DLG2: variants seen among roughly 807,000 people sequenced by gnomAD.
DLG2 encodes the protein disks large homolog 2.
A neutral mutation model predicts 132.5 loss-of-function variants in DLG2; 45 were observed. The observed-to-expected ratio is 0.34, with a 90% CI of 0.27 to 0.44. The LOEUF (loss-of-function observed/expected upper bound fraction) is 0.44, where lower values mean the gene tolerates loss of function less well. Ranked by LOEUF, DLG2 falls within the 20% of genes least tolerant of loss-of-function variation. DLG2 has a pLI of 1.00. For missense variants in DLG2, 1,045 were observed against 1,196.9 expected (o/e 0.87, Z 1.87); for synonymous variants, 424 against 419.6 (o/e 1.01, Z -0.13).
chr11:84,934,205 C>T (rs1391860566), intron 6 of DLG2, among the ~76,000 whole-genome samples: 3 of 152,120 alleles, frequency 2.0e-5, no homozygotes, highest in Non-Finnish European at 4.4e-5. Context: ...ACCAACTTTG[C>T]ATCCCAGATA....
At chr11:85,241,305 T>C (rs765560863) in intron 4 of DLG2, among the ~76,000 whole-genome samples, 56 of 151,882 alleles carry the variant, frequency 3.7e-4, no homozygotes, top group Non-Finnish European at 6.6e-4. Context: ...TGGGAGGGAT[T>C]AATAGTAGAC....
At chr11:84,323,125 G>T (rs999811222) in intron 7 of DLG2, among the ~76,000 whole-genome samples, 3 of 151,888 alleles carry the variant, frequency 2.0e-5, no homozygotes, top group African/African-American at 7.3e-5. Flanking sequence ...TAAGCACAAG[G>T]TTGTAAAGCA....
intron 3 of DLG2, among the ~76,000 whole-genome samples, chr11:85,378,251 C>G (rs1260115279): frequency 6.6e-6 from 1 of 152,078 alleles, no homozygotes; most frequent in East Asian, 1.9e-4. Flanking sequence ...CTCTAGTTGA[C>G]AGGGACTGGC....
chr11:85,374,884 T>C (rs913228799), intron 3 of DLG2, among the ~76,000 whole-genome samples: 1 of 152,156 alleles, frequency 6.6e-6, no homozygotes, highest in Non-Finnish European at 1.5e-5. Flanking sequence ...AGAGACTATC[T>C]TTGTTCTTAG....
intron 6 of DLG2, among the ~76,000 whole-genome samples, chr11:84,742,470 C>T (rs1313730177): frequency 6.6e-6 from 1 of 152,184 alleles, no homozygotes; most frequent in Non-Finnish European, 1.5e-5. Flanking sequence ...AGAAACCTTA[C>T]AGGCGTTTTT....
At chr11:85,371,742 G>A (rs1488183361) in intron 3 of DLG2, among the ~76,000 whole-genome samples, 1 of 152,162 alleles carries the variant, frequency 6.6e-6, no homozygotes, top group East Asian at 1.9e-4. Flanking sequence ...CCTTTGGAGA[G>A]GATCACCCAA....
intron 18 of DLG2, chr11:83,725,082 C>T (rs1593158980): frequency 1.8e-6 from 1 of 557,740 alleles, no homozygotes; most frequent in Admixed American, 3.0e-5. Flanking sequence ...CTTTGCAACA[C>T]AAACAAGCCA....
intron 6 of DLG2, among the ~76,000 whole-genome samples, chr11:84,994,063 T>C (rs962182531): frequency 6.6e-6 from 1 of 152,276 alleles, no homozygotes; most frequent in Admixed American, 6.5e-5. Context: ...AAAAAAATAA[T>C]TTAAAAAAGT....
intron 8 of DLG2, among the ~76,000 whole-genome samples, chr11:84,172,518 CTTAT>C (rs71066098): frequency 0.051 from 6,810 of 134,450 alleles, 462 homozygotes; most frequent in African/African-American, 0.16. Context: ...TTTTTCCATT[CTTAT>C]TTATTTATTT....
intron 8 of DLG2, among the ~76,000 whole-genome samples, chr11:84,195,481 C>T (rs1472732828): frequency 4.6e-5 from 7 of 151,942 alleles, no homozygotes; most frequent in South Asian, 4.1e-4. Context: ...TACTCTTCTC[C>T]GCCTACCCAA....
At chr11:83,734,358 TCC>T (rs2091539838) in intron 18 of DLG2, among the ~76,000 whole-genome samples, 2 of 110,992 alleles carry the variant, frequency 1.8e-5, no homozygotes, top group Non-Finnish European at 3.7e-5. Context: ...CTTCCTTCCT[TCC>T]TTCCTTCCTT....
chr11:85,300,256 T>C (rs1412117704), intron 3 of DLG2, among the ~76,000 whole-genome samples: 2 of 152,204 alleles, frequency 1.3e-5, no homozygotes, highest in African/African-American at 4.8e-5. Flanking sequence ...AAAATGTGTA[T>C]TAGCACAATA....
intron 6 of DLG2, among the ~76,000 whole-genome samples, chr11:84,968,332 A>G (rs1181888869): frequency 2.0e-5 from 3 of 152,170 alleles, no homozygotes; most frequent in Non-Finnish European, 4.4e-5. Flanking sequence ...AGAATATAAC[A>G]GAATAATAAC....
intron 19 of DLG2, among the ~76,000 whole-genome samples, chr11:83,590,459 C>A (rs1418842549): frequency 6.6e-6 from 1 of 152,100 alleles, no homozygotes; most frequent in Non-Finnish European, 1.5e-5. Context: ...AAAGACACAG[C>A]ATACCAGAAT....
Position 85,151,454 on chromosome 11 carries a change from T to C in DLG2, c.282+3102A>G, listed in dbSNP as rs532433390. On this transcript the variant is annotated intron_variant, in intron 5 of 27. Coordinates refer to ENST00000376104, the MANE Select transcript of DLG2 (RefSeq NM_001142699.3). ...CAAGAAATTGTTGCCAAATCCAATG[T>C]GTCCTGACATTTTTCTATTAGTTTT... Among the ~76,000 whole-genome samples, 4 of 152,218 alleles carry C rather than the reference T, an allele frequency of 2.6e-5. No individual in the cohort carries two copies. The South Asian group carries it at 8.3e-4, about 32-fold the overall frequency.
chr11:83,629,855 T>C (rs1012468512), intron 19 of DLG2, among the ~76,000 whole-genome samples: 3 of 152,202 alleles, frequency 2.0e-5, no homozygotes, highest in Admixed American at 6.6e-5. Flanking sequence ...AATGTACTTG[T>C]GCAGCATTTT....
intron 9 of DLG2, among the ~76,000 whole-genome samples, chr11:84,144,096 T>C (rs910384343): frequency 1.3e-5 from 2 of 152,268 alleles, no homozygotes; most frequent in African/African-American, 2.4e-5. Context: ...CTATGCAGTT[T>C]CCTAAAAATT....
At chr11:85,455,793 T>C (rs2092402395) in intron 3 of DLG2, among the ~76,000 whole-genome samples, 1 of 152,184 alleles carries the variant, frequency 6.6e-6, no homozygotes, top group Non-Finnish European at 1.5e-5. Flanking sequence ...GTGGTTTTTG[T>C]TTTTAAGTTC....
At chr11:83,509,627 G>A (rs561053518) in intron 21 of DLG2, among the ~76,000 whole-genome samples, 5 of 152,130 alleles carry the variant, frequency 3.3e-5, no homozygotes, top group East Asian at 1.9e-4. Flanking sequence ...AACCTTGCTC[G>A]CATTTCAAGA....
Sources: gnomAD v4.1 joint callset for allele counts (sites outside exome capture counted in the v4.1 genomes callset) on GRCh38, gnomAD v4.1.1 for gene constraint, MANE v1.5 for transcripts, NCBI Gene and HGNC (gene_info 2026-07-23, HGNC 2026-07-21) for gene names.